The following PDGFD variants were observed in gnomAD, a reference collection of about 807,000 sequenced individuals.
PDGFD encodes platelet derived growth factor D, also known as platelet-derived growth factor D.
Under a neutral mutation model 44.7 loss-of-function variants are expected in PDGFD, and 30 were observed. The ratio of observed to expected loss-of-function variants is 0.67; its 90% CI spans 0.50 to 0.91. PDGFD has a LOEUF of 0.91. Ranked by LOEUF, PDGFD falls within the 40% of genes least tolerant of loss-of-function variation. PDGFD has a pLI of 0.00. For missense variants in PDGFD, 445 were observed against 457.8 expected, an observed-to-expected ratio of 0.97 and a Z score of 0.25; for synonymous variants, 173 against 168.4, an observed-to-expected ratio of 1.03 and a Z score of -0.21.
chr11:104,076,118 T>C (rs1266356781), intron 1 of PDGFD, among the ~76,000 whole-genome samples: 1 of 152,178 alleles, frequency 6.6e-6, no homozygotes, highest in East Asian at 1.9e-4. Context: ...TCTTTCCCTA[T>C]TGCTCAGCAC....
intron 1 of PDGFD, among the ~76,000 whole-genome samples, chr11:104,026,642 C>T (rs1860045492): frequency 6.6e-6 from 1 of 152,174 alleles, no homozygotes; most frequent in Admixed American, 6.5e-5. Context: ...TGCCTGCTAT[C>T]ATTTGTCTAG....
At chr11:104,002,072 C>T (rs900787151) in intron 1 of PDGFD, among the ~76,000 whole-genome samples, 2 of 152,140 alleles carry the variant, frequency 1.3e-5, no homozygotes, top group African/African-American at 4.8e-5. Flanking sequence ...AAGGCAGTGG[C>T]CTGCAGTCAT....
At chr11:104,127,100 CA>C (rs1013522596) in intron 1 of PDGFD, among the ~76,000 whole-genome samples, 61 of 152,072 alleles carry the variant, frequency 4.0e-4, no homozygotes, top group African/African-American at 1.4e-3. Context: ...AAGAGCTCTT[CA>C]AAGAGAAAAA....
intron 3 of PDGFD, among the ~76,000 whole-genome samples, chr11:103,992,139 G>A (rs1565304812): frequency 2.6e-5 from 4 of 152,124 alleles, no homozygotes; most frequent in Admixed American, 6.5e-5. Flanking sequence ...CTTTCTGAAG[G>A]TATCTGTTAT....
At chr11:103,948,619 G>A (rs891692511) in intron 3 of PDGFD, among the ~76,000 whole-genome samples, 3 of 152,126 alleles carry the variant, frequency 2.0e-5, no homozygotes, top group Non-Finnish European at 4.4e-5. Flanking sequence ...CAGCCTTACC[G>A]AGGAGTGGGA....
intron 1 of PDGFD, among the ~76,000 whole-genome samples, chr11:104,049,743 A>C (rs1565320922): frequency 6.6e-6 from 1 of 152,180 alleles, no homozygotes; most frequent in Non-Finnish European, 1.5e-5. Flanking sequence ...TGTTTCATGA[A>C]GAACAGGGGG....
intron 1 of PDGFD, among the ~76,000 whole-genome samples, chr11:104,022,530 G>A (rs1450495488): frequency 6.6e-6 from 1 of 151,916 alleles, no homozygotes; most frequent in African/African-American, 2.4e-5. Context: ...AATTTCCTAA[G>A]GTCAATTTCC....
chr11:104,110,228 A>G (rs1223589547), intron 1 of PDGFD, among the ~76,000 whole-genome samples: 1 of 152,156 alleles, frequency 6.6e-6, no homozygotes, highest in Non-Finnish European at 1.5e-5. Context: ...CTCACTTTGA[A>G]TTGTTAGAAG....
intron 6 of PDGFD, among the ~76,000 whole-genome samples, chr11:103,926,394 A>G (rs1460548126): frequency 6.6e-6 from 1 of 152,228 alleles, no homozygotes; most frequent in African/African-American, 2.4e-5. Flanking sequence ...TTCCCTGAGT[A>G]GCACTTAATA....
At chr11:104,053,671 ATAG>A (rs1395310775) in intron 1 of PDGFD, among the ~76,000 whole-genome samples, 4 of 152,238 alleles carry the variant, frequency 2.6e-5, no homozygotes, top group African/African-American at 7.2e-5. Flanking sequence ...TATTTGGAAC[ATAG>A]TTTGTTACAG....
chr11:104,027,552 T>G (rs1210175828), intron 1 of PDGFD, among the ~76,000 whole-genome samples: 1 of 152,212 alleles, frequency 6.6e-6, no homozygotes, highest in Non-Finnish European at 1.5e-5. Context: ...CTCGGATAAA[T>G]TAATGCTTTG....
chr11:104,128,442 T>C (rs1861871090), intron 1 of PDGFD, among the ~76,000 whole-genome samples: 1 of 152,088 alleles, frequency 6.6e-6, no homozygotes, highest in South Asian at 2.1e-4. Context: ...AAAACACCGA[T>C]TTTGCTTTCA....
intron 6 of PDGFD, among the ~76,000 whole-genome samples, chr11:103,924,691 T>C (rs1858276587): frequency 6.6e-6 from 1 of 152,182 alleles, no homozygotes; most frequent in Non-Finnish European, 1.5e-5. Context: ...TTTGTGTTGT[T>C]TTCAGAATAG....
intron 1 of PDGFD, among the ~76,000 whole-genome samples, chr11:104,087,033 T>TTC (rs1471944282): frequency 1.4e-5 from 2 of 142,648 alleles, no homozygotes; most frequent in East Asian, 4.1e-4. Context: ...TTTTTTTTTT[T>TTC]TTTTTTTTTT....
chr11:103,970,031 AGAGAG>A (rs540902647), intron 3 of PDGFD, among the ~76,000 whole-genome samples: 36 of 152,192 alleles, frequency 2.4e-4, no homozygotes, highest in Non-Finnish European at 4.9e-4. Flanking sequence ...TATACATTTA[AGAGAG>A]GGGTTAAATT....
chr11:104,031,737 T>C (rs752475004), intron 1 of PDGFD, among the ~76,000 whole-genome samples: 2 of 152,010 alleles, frequency 1.3e-5, no homozygotes, highest in Non-Finnish European at 2.9e-5. Flanking sequence ...AGACATGGAG[T>C]CAACCCAAAT....
chr11:104,101,433 C>T (rs894749470), intron 1 of PDGFD, among the ~76,000 whole-genome samples: 2 of 152,112 alleles, frequency 1.3e-5, no homozygotes, highest in African/African-American at 4.8e-5. Flanking sequence ...CTACAAACCA[C>T]TGCTCAATGA....
chr11:103,969,534 T>C (rs1457023933), intron 3 of PDGFD, among the ~76,000 whole-genome samples: 1 of 146,584 alleles, frequency 6.8e-6, no homozygotes, highest in Non-Finnish European at 1.5e-5. Flanking sequence ...TTAACATGAA[T>C]GTTAAAAAGT....
chr11:103,930,551 G>GA lies in PDGFD; in HGVS notation c.773-3426dup, dbSNP rs10534085. Reference sequence around the variant, plus strand: ...GGAAACTGAGCCTTTCAAAAGTTAAGAAAAAAAAAAAAAAAACTTGTCCAC... The same window carrying GA: ...GGAAACTGAGCCTTTCAAAAGTTAAGAAAAAAAAAAAAAAAAACTTGTCCAC... On this transcript the variant is annotated intron_variant, in intron 5 of 6. Transcript: ENST00000393158. Among the ~76,000 whole-genome samples, 303 of 135,774 alleles carry GA rather than the reference G, an allele frequency of 2.2e-3. 1 individual carries two copies. The highest frequency in any genetic ancestry group is 4.0e-3 in the South Asian group (17 of 4,250). 89.1% of individuals were successfully genotyped at this position (135,774 alleles called of 152,430 possible). A position where few individuals can be genotyped will look rare whatever the true frequency, so the allele number is the denominator to read the frequency against.
Sources: allele counts gnomAD v4.1 joint callset (sites outside exome capture counted in the v4.1 genomes callset), GRCh38; gene constraint gnomAD v4.1.1; transcripts MANE v1.5; gene names NCBI Gene and HGNC (gene_info 2026-07-23, HGNC 2026-07-21).